GRM1: variants seen among roughly 807,000 people sequenced by gnomAD.
The protein encoded by GRM1 is glutamate metabotropic receptor 1.
In GRM1, 33 loss-of-function variants were observed where a neutral mutation model predicts 90.9. The ratio of observed to expected loss-of-function variants is 0.36; its 90% CI spans 0.28 to 0.49. The LOEUF is 0.49. Among genes scored for constraint, GRM1 ranks in the 20% least tolerant of loss-of-function variants. GRM1 has a pLI of 0.99. For missense variants in GRM1, 1,190 were observed against 1,534.3 expected, an observed-to-expected ratio of 0.78 and a Z score of 3.75; for synonymous variants, 700 against 613.2, an observed-to-expected ratio of 1.14 and a Z score of -2.09.
intron 7 of GRM1, among the ~76,000 whole-genome samples, chr6:146,426,396 A>G (rs568650617): frequency 3.3e-5 from 5 of 152,310 alleles, no homozygotes; most frequent in African/African-American, 1.2e-4. Context: ...TAGCCTGGCA[A>G]TGAGAAACAG....
At position 146,433,908 on chromosome 6, in the gene GRM1, TGGAGGACA is replaced by T; in HGVS notation, c.2700_2707del (p.Gly901AlafsTer18). On this transcript the variant is annotated frameshift_variant, in exon 8 of 8. Coordinates refer to ENST00000282753, the MANE Select transcript of GRM1 (RefSeq NM_001278064.2). LOFTEE classifies it high-confidence loss of function. ...AGTCTGTGTCATGGTCTGAACCAGGTGGAGGACAGGTGCCCAAGGGACAGCATATGTGG... is the reference window on the plus strand; with the variant it reads ...AGTCTGTGTCATGGTCTGAACCAGGTGGTGCCCAAGGGACAGCATATGTGG... The T allele has an allele frequency of 6.2e-7, 1 of 1,613,900 alleles. No individual in the cohort carries two copies. Among genetic ancestry groups the T allele is most frequent in the Non-Finnish European group, 8.5e-7 (1 of 1,179,780 alleles).
intron 7 of GRM1, among the ~76,000 whole-genome samples, chr6:146,414,504 G>A (rs527429922): frequency 1.4e-4 from 21 of 151,864 alleles, no homozygotes; most frequent in Admixed American, 6.6e-5. Flanking sequence ...CCGGGTTCAC[G>A]CCATTCTCCT....
intron 2 of GRM1, among the ~76,000 whole-genome samples, chr6:146,278,985 G>A (rs1161238881): frequency 4.6e-5 from 7 of 152,098 alleles, no homozygotes; most frequent in Non-Finnish European, 1.0e-4. Context: ...AATTACAGGC[G>A]TGAGCGACCG....
chr6:146,376,604 G>T (rs1005769423), intron 5 of GRM1, among the ~76,000 whole-genome samples: 1 of 151,868 alleles, frequency 6.6e-6, no homozygotes, highest in Non-Finnish European at 1.5e-5. Context: ...TGTCATCCCA[G>T]TGTCTCCTGG....
rs745500766 is a variant in GRM1, at chr6:146,433,758, A to G, written c.2661-114A>G. 20 of 775,668 alleles carry G rather than the reference A, an allele frequency of 2.6e-5. No individual in the cohort carries two copies. In the East Asian group the frequency reaches 3.7e-4, roughly 14 times the overall value. 48.0% of individuals were successfully genotyped at this position (775,668 alleles called of 1,614,324 possible). On this transcript the variant is annotated intron_variant, in intron 7 of 7. Transcript: ENST00000282753. ...GTATGGGGTGCTGGAGCAAAGGCCTACAGCAGAGACAGCAGTTAAATCACA... is the reference window on the plus strand; with the variant it reads ...GTATGGGGTGCTGGAGCAAAGGCCTGCAGCAGAGACAGCAGTTAAATCACA...
chr6:146,164,475 G>A (rs1023409179), intron 2 of GRM1, among the ~76,000 whole-genome samples: 4 of 152,134 alleles, frequency 2.6e-5, no homozygotes, highest in African/African-American at 9.7e-5. Flanking sequence ...GAGAGAGCAT[G>A]TAGCCTCATT....
intron 1 of GRM1, among the ~76,000 whole-genome samples, chr6:146,081,881 CA>C (rs1776375248): frequency 6.6e-6 from 1 of 151,960 alleles, no homozygotes; most frequent in Admixed American, 6.6e-5. Context: ...ACTGTGGCAA[CA>C]AAATAAAAAT....
intron 2 of GRM1, among the ~76,000 whole-genome samples, chr6:146,190,088 T>G (rs537672256): frequency 3.0e-4 from 45 of 152,220 alleles, no homozygotes; most frequent in African/African-American, 1.0e-3. Context: ...TTGGATTCAA[T>G]TGAAGAAATG....
intron 2 of GRM1, among the ~76,000 whole-genome samples, chr6:146,232,417 C>G (rs573501780): frequency 2.0e-5 from 3 of 152,026 alleles, no homozygotes; most frequent in Non-Finnish European, 2.9e-5. Context: ...ATAGTAGATG[C>G]ATATATTTAT....
chr6:146,082,354 C>T (rs779889899), intron 1 of GRM1, among the ~76,000 whole-genome samples: 1 of 152,068 alleles, frequency 6.6e-6, no homozygotes, highest in Non-Finnish European at 1.5e-5. Flanking sequence ...CAGGGTTTCA[C>T]CATATTGGTG....
At chr6:146,401,320 T>C (rs73009097) in intron 7 of GRM1, among the ~76,000 whole-genome samples, 3,123 of 152,246 alleles carry the variant, frequency 0.021, 51 homozygotes, top group Non-Finnish European at 0.026. Flanking sequence ...GCCTTTTTTT[T>C]CCTCTTACCA....
intron 1 of GRM1, among the ~76,000 whole-genome samples, chr6:146,132,376 C>T (rs1337731684): frequency 6.6e-6 from 1 of 152,058 alleles, no homozygotes; most frequent in African/African-American, 2.4e-5. Flanking sequence ...ATAGATTCAA[C>T]ATATCATTAA....
At chr6:146,404,686 G>A (rs982134268) in intron 7 of GRM1, among the ~76,000 whole-genome samples, 3 of 152,210 alleles carry the variant, frequency 2.0e-5, no homozygotes, top group Admixed American at 6.5e-5. Context: ...CATGAAGCAC[G>A]TAGAGAGATG....
At chr6:146,184,409 A>T (rs1778649775) in intron 2 of GRM1, among the ~76,000 whole-genome samples, 1 of 152,002 alleles carries the variant, frequency 6.6e-6, no homozygotes, top group African/African-American at 2.4e-5. Context: ...AAATTCTCTA[A>T]TTGTGGCTGA....
intron 1 of GRM1, among the ~76,000 whole-genome samples, chr6:146,074,641 A>G (rs1430035626): frequency 6.6e-6 from 1 of 152,176 alleles, no homozygotes; most frequent in Non-Finnish European, 1.5e-5. Flanking sequence ...TTGTTTGCTT[A>G]TAGAAGTTAG....
chr6:146,321,228 T>C (rs1784178803), intron 3 of GRM1, among the ~76,000 whole-genome samples: 1 of 152,340 alleles, frequency 6.6e-6, no homozygotes, highest in South Asian at 2.1e-4. Context: ...TTTAGTTATA[T>C]ACCCAGTAGT....
At chr6:146,392,652 A>G (rs138421865) in intron 6 of GRM1, among the ~76,000 whole-genome samples, 138 of 152,244 alleles carry the variant, frequency 9.1e-4, no homozygotes, top group African/African-American at 3.2e-3. Context: ...CGTCATCTAC[A>G]TTAGGTATTT....
intron 2 of GRM1, among the ~76,000 whole-genome samples, chr6:146,195,721 G>A (rs1157800691): frequency 6.6e-6 from 1 of 152,182 alleles, no homozygotes; most frequent in African/African-American, 2.4e-5. Context: ...CCCTTGAGAA[G>A]TCCCAGTAAA....
At chr6:146,059,368 C>G (rs1264757635) in intron 1 of GRM1, among the ~76,000 whole-genome samples, 2 of 152,056 alleles carry the variant, frequency 1.3e-5, no homozygotes, top group South Asian at 2.1e-4. Context: ...GGAATCTTCT[C>G]TTTTCTGAGC....
Sources: gnomAD v4.1 joint callset for allele counts (sites outside exome capture counted in the v4.1 genomes callset) on GRCh38, gnomAD v4.1.1 for gene constraint, MANE v1.5 for transcripts, NCBI Gene and HGNC (gene_info 2026-07-23, HGNC 2026-07-21) for gene names.